Variants in PPARGC1A observed in about 807,000 individuals in gnomAD.
The protein encoded by PPARGC1A is peroxisome proliferator-activated receptor gamma coactivator 1-alpha.
In PPARGC1A, 25 loss-of-function variants were observed where a neutral mutation model predicts 88.7. That is an observed-to-expected ratio of 0.28 (90% CI 0.21 to 0.39). The LOEUF (loss-of-function observed/expected upper bound fraction) is 0.39, where lower values mean the gene tolerates loss of function less well. PPARGC1A is among the 10% of genes least tolerant of loss of function. The pLI, the probability that PPARGC1A is intolerant of heterozygous loss-of-function variation, is 1.00. For missense variants in PPARGC1A, 880 were observed against 968.7 expected (o/e 0.91, Z 1.22); for synonymous variants, 363 against 355.6 (o/e 1.02, Z -0.24).
chr4:24,297,929 C>T, the PPARGC1A span, among the ~76,000 whole-genome samples: 11 of 151,978 alleles, frequency 7.2e-5, no homozygotes, highest in Admixed American at 2.0e-4. Flanking sequence ...CAATTGTTTA[C>T]AAAGAGAAAA....
At chr4:24,238,793 G>GTGTGTGTGTGTGT in the PPARGC1A span, among the ~76,000 whole-genome samples, 1 of 145,030 alleles carries the variant, frequency 6.9e-6, no homozygotes, top group East Asian at 2.0e-4. Flanking sequence ...GTGTGTGTGT[G>GTGTGTGTGTGTGT]TGTAGGCATG....
chr4:23,894,608 C>T (rs1718301176), upstream of PPARGC1A, among the ~76,000 whole-genome samples: 1 of 152,098 alleles, frequency 6.6e-6, no homozygotes, highest in Non-Finnish European at 1.5e-5. Context: ...GCAAAAACAT[C>T]TCTCATCTCC....
chr4:24,242,636 G>A, the PPARGC1A span, among the ~76,000 whole-genome samples: 13 of 152,118 alleles, frequency 8.5e-5, no homozygotes, highest in Non-Finnish European at 1.6e-4. Context: ...CCATGACCAC[G>A]TATGTCATCT....
the PPARGC1A span, among the ~76,000 whole-genome samples, chr4:24,084,458 G>A: frequency 2.6e-4 from 39 of 152,310 alleles, no homozygotes; most frequent in Admixed American, 1.5e-3. Flanking sequence ...CTCCACCTCC[G>A]GGGAGGAGAA....
chr4:23,814,426 C>T lies in PPARGC1A; in HGVS notation c.1057G>A (p.Glu353Lys), dbSNP rs199902625. 1.7e-5 allele frequency: 27 copies of T among 1,613,516 alleles called. No individual in the cohort carries two copies. The highest frequency in any genetic ancestry group is 1.1e-4 in the African/African-American group (8 of 74,778). ...NSTKKGPEQS[E>K]LYAQLSKSSV... ...GACTTGCTGAGTTGTGCATACAACTCGGATTGCTCCGGCCCTTTCTTGGTG... is the reference window on the plus strand; with the variant it reads ...GACTTGCTGAGTTGTGCATACAACTTGGATTGCTCCGGCCCTTTCTTGGTG... Residue 353 changes from glutamate (E) to lysine (K), a missense_variant, in exon 8 of 13, where the codon GAG becomes AAG. By Grantham distance (56) the Glu-to-Lys change is moderately conservative. Coordinates refer to ENST00000264867, the MANE Select transcript of PPARGC1A (RefSeq NM_013261.5).
At chr4:24,208,919 G>C in the PPARGC1A span, among the ~76,000 whole-genome samples, 1 of 152,032 alleles carries the variant, frequency 6.6e-6, no homozygotes, top group South Asian at 2.1e-4. Flanking sequence ...GTTGCTTAGA[G>C]AGGTAGAGGG....
At chr4:24,056,282 T>C in the PPARGC1A span, among the ~76,000 whole-genome samples, 16 of 152,318 alleles carry the variant, frequency 1.1e-4, no homozygotes, top group South Asian at 1.7e-3. Flanking sequence ...CTTAGGCTGA[T>C]AGAAAATAGC....
the PPARGC1A span, among the ~76,000 whole-genome samples, chr4:24,304,987 G>C: frequency 6.6e-6 from 1 of 151,976 alleles, no homozygotes; most frequent in Non-Finnish European, 1.5e-5. Flanking sequence ...GCTGAAGATG[G>C]ATAAGTCAGA....
chr4:24,166,322 G>A, the PPARGC1A span, among the ~76,000 whole-genome samples: 1 of 152,244 alleles, frequency 6.6e-6, no homozygotes, highest in Non-Finnish European at 1.5e-5. Context: ...TAAGTGCAAA[G>A]TGAAGCAGCA....
At chr4:23,844,789 A>AAT (rs1250044855) in intron 2 of PPARGC1A, among the ~76,000 whole-genome samples, 2 of 121,864 alleles carry the variant, frequency 1.6e-5, no homozygotes, top group African/African-American at 3.1e-5. Flanking sequence ...ATATTATAAT[A>AAT]ATATATGATA....
chr4:24,053,155 G>A, the PPARGC1A span, among the ~76,000 whole-genome samples: 11 of 151,894 alleles, frequency 7.2e-5, no homozygotes, highest in African/African-American at 2.4e-4. Context: ...ACAGGCGTGA[G>A]CCACTGCGCC....
chr4:24,387,586 T>C, the PPARGC1A span, among the ~76,000 whole-genome samples: 6 of 151,804 alleles, frequency 4.0e-5, no homozygotes, highest in African/African-American at 1.4e-4. Flanking sequence ...TAGCTGAGCA[T>C]GGTAGCTCAT....
At chr4:24,313,107 AAAT>A in the PPARGC1A span, among the ~76,000 whole-genome samples, 3 of 152,212 alleles carry the variant, frequency 2.0e-5, no homozygotes, top group Admixed American at 1.3e-4. Context: ...ATAACACAAC[AAAT>A]AATATTAAAT....
chr4:23,805,849 T>G (rs956192093), intron 10 of PPARGC1A, among the ~76,000 whole-genome samples: 1 of 152,118 alleles, frequency 6.6e-6, no homozygotes, highest in Non-Finnish European at 1.5e-5. Flanking sequence ...ACTACCATTA[T>G]GGGAATAAAC....
chr4:23,832,735 G>C (rs995137405), intron 2 of PPARGC1A, among the ~76,000 whole-genome samples: 5 of 150,400 alleles, frequency 3.3e-5, no homozygotes, highest in African/African-American at 1.2e-4. Context: ...TCAGCCTCCC[G>C]AGTAGCTGGG....
chr4:24,040,507 G>A, the PPARGC1A span, among the ~76,000 whole-genome samples: 7 of 152,270 alleles, frequency 4.6e-5, no homozygotes, highest in South Asian at 2.1e-4. Flanking sequence ...GCAAGAGAGC[G>A]TGTGGCACAA....
intron 2 of PPARGC1A, among the ~76,000 whole-genome samples, chr4:23,876,556 A>G (rs1714723302): frequency 6.6e-6 from 1 of 152,152 alleles, no homozygotes; most frequent in South Asian, 2.1e-4. Context: ...GGGCTCTGAT[A>G]AATCATGCTG....
chr4:23,979,954 AGATGGCT>A, the PPARGC1A span, among the ~76,000 whole-genome samples: 1 of 152,116 alleles, frequency 6.6e-6, no homozygotes, highest in East Asian at 1.9e-4. Flanking sequence ...TAATCAGGGT[AGATGGCT>A]CTCTCCTAGC....
the PPARGC1A span, among the ~76,000 whole-genome samples, chr4:24,237,299 A>G: frequency 6.6e-6 from 1 of 152,046 alleles, no homozygotes; most frequent in African/African-American, 2.4e-5. Flanking sequence ...ACTTTCCATA[A>G]GAGTTCTTGC....
Sources: allele counts gnomAD v4.1 joint callset (sites outside exome capture counted in the v4.1 genomes callset), GRCh38; gene constraint gnomAD v4.1.1; transcripts MANE v1.5; gene names NCBI Gene and HGNC (gene_info 2026-07-23, HGNC 2026-07-21).